RABGAP1L: variants seen among roughly 807,000 people sequenced by gnomAD.
RABGAP1L encodes the protein RAB GTPase activating protein 1 like, also known as rab GTPase-activating protein 1-like.
A neutral mutation model predicts 137.7 loss-of-function variants in RABGAP1L; 63 were observed. The observed-to-expected ratio is 0.46, with a 90% CI of 0.37 to 0.56. The LOEUF is 0.56. Among genes scored for constraint, RABGAP1L ranks in the 20% least tolerant of loss-of-function variants. The pLI is 0.00. For synonymous variants in RABGAP1L, 431 were observed against 433.7 expected (o/e 0.99, Z 0.08); for missense variants, 1,095 against 1,244.0 (o/e 0.88, Z 1.80).
intron 13 of RABGAP1L, among the ~76,000 whole-genome samples, chr1:174,519,209 C>CAT (rs1056157896): frequency 9.0e-5 from 13 of 144,654 alleles, no homozygotes; most frequent in African/African-American, 1.8e-4. Context: ...CACACACATA[C>CAT]ATATATATAT....
intron 19 of RABGAP1L, among the ~76,000 whole-genome samples, chr1:174,929,585 A>G (rs544450354): frequency 6.6e-6 from 1 of 151,768 alleles, no homozygotes; most frequent in South Asian, 2.1e-4. Context: ...CCAGAAGCAA[A>G]TTTTAAAAAT....
chr1:174,702,448 TA>T (rs1679730238), intron 17 of RABGAP1L, among the ~76,000 whole-genome samples, 192 bp downstream of exon 17: 1 of 143,772 alleles, frequency 7.0e-6, no homozygotes, highest in Non-Finnish European at 1.6e-5. Context: ...ATGAAAATGT[TA>T]AGGCATATAT....
rs1452895874 is a variant in RABGAP1L, at chr1:174,658,591, C to T, written c.1824+21103C>T. 4.6e-5 allele frequency among the ~76,000 whole-genome samples: 7 copies of T among 152,166 alleles called. No individual in the cohort carries two copies. The East Asian group carries it at 7.7e-4, about 17-fold the overall frequency. ...CCTTACCATAGTAAGCTCTAACACC[C>T]TGTGCCAGGATGTCACCCTAGGTGA... On this transcript the variant is annotated intron_variant, in intron 14 of 25. Transcript: ENST00000681986.
chr1:174,455,780 G>A (rs921654968), intron 13 of RABGAP1L, among the ~76,000 whole-genome samples: 9 of 152,124 alleles, frequency 5.9e-5, no homozygotes, highest in African/African-American at 9.6e-5. Flanking sequence ...CACTTATAAC[G>A]CTTTTGAACA....
chr1:174,217,854 T>C (rs1669456111), intron 1 of RABGAP1L, among the ~76,000 whole-genome samples: 1 of 152,186 alleles, frequency 6.6e-6, no homozygotes, highest in Non-Finnish European at 1.5e-5. Flanking sequence ...AACTTGAAGC[T>C]AGACTCATTC....
At chr1:174,283,245 A>G (rs1414950672) in intron 10 of RABGAP1L, among the ~76,000 whole-genome samples, 1 of 151,952 alleles carries the variant, frequency 6.6e-6, no homozygotes, top group African/African-American at 2.4e-5. Context: ...TGTAAAAAAA[A>G]GTAAAATAAA....
intron 1 of RABGAP1L, among the ~76,000 whole-genome samples, chr1:174,207,734 G>GT (rs1668602678): frequency 6.6e-6 from 1 of 152,160 alleles, no homozygotes; most frequent in African/African-American, 2.4e-5. Flanking sequence ...GTGCAGATAG[G>GT]TCTTTTTTAG....
intron 12 of RABGAP1L, among the ~76,000 whole-genome samples, chr1:174,388,112 A>AG (rs1686951208): frequency 6.6e-6 from 1 of 152,098 alleles, no homozygotes; most frequent in Non-Finnish European, 1.5e-5. Flanking sequence ...ATGTAGGTAA[A>AG]GCACCTGTCA....
intron 13 of RABGAP1L, among the ~76,000 whole-genome samples, chr1:174,601,020 G>A (rs978888519): frequency 6.6e-6 from 1 of 152,220 alleles, no homozygotes; most frequent in African/African-American, 2.4e-5. Context: ...TGAAATCTAG[G>A]TGGAGGTTCC....
chr1:174,879,149 G>A (rs1289697860), intron 19 of RABGAP1L, among the ~76,000 whole-genome samples: 3 of 149,912 alleles, frequency 2.0e-5, no homozygotes, highest in African/African-American at 4.9e-5. Context: ...TTCCCAGGCT[G>A]GAGTGCAATG....
At chr1:174,250,289 C>T (rs1035694276) in intron 5 of RABGAP1L, among the ~76,000 whole-genome samples, 186 bp from the exon 6 acceptor site, 2 of 151,566 alleles carry the variant, frequency 1.3e-5, no homozygotes, top group Non-Finnish European at 2.9e-5. Context: ...TTTTTTAATG[C>T]ACAAGTGATG....
intron 7 of RABGAP1L, 82 bp from the exon 8 acceptor site, chr1:174,272,332 A>G: frequency 2.1e-6 from 3 of 1,422,636 alleles, no homozygotes; most frequent in Non-Finnish European, 1.9e-6. Flanking sequence ...TTGTATAGTT[A>G]TTGTAAAAAG....
At chr1:174,534,765 A>T (rs1372167376) in intron 13 of RABGAP1L, among the ~76,000 whole-genome samples, 2 of 128,594 alleles carry the variant, frequency 1.6e-5, no homozygotes, top group African/African-American at 6.3e-5. Flanking sequence ...ACAGAGCGAA[A>T]CTCTGTCTCC....
At chr1:174,607,987 C>A (rs1317696417) in intron 13 of RABGAP1L, among the ~76,000 whole-genome samples, 1 of 152,118 alleles carries the variant, frequency 6.6e-6, no homozygotes, top group African/African-American at 2.4e-5. Context: ...CATGTGGGTA[C>A]AAATGTCGTG....
Position 174,448,381 on chromosome 1 carries a change from T to G in RABGAP1L, c.1710+54236T>G. On this transcript the variant is annotated intron_variant, in intron 13 of 25. Coordinates refer to ENST00000681986, the MANE Select transcript of RABGAP1L (RefSeq NM_001366446.1). The surrounding 1 kb of genome is among the most constrained non-coding windows in gnomAD (Gnocchi z 4.2). ...CGATGGCATATGCTGATCTTTTCGT[T>G]GGAGTTAGCTGCTTGGTTCCTACTC... The G allele has an allele frequency of 6.2e-7, 1 of 1,613,852 alleles. No individual in the cohort carries two copies. Among genetic ancestry groups the G allele is most frequent in the Non-Finnish European group, 8.5e-7 (1 of 1,179,696 alleles).
At chr1:174,651,708 C>T (rs1005223852) in intron 14 of RABGAP1L, among the ~76,000 whole-genome samples, 3 of 152,168 alleles carry the variant, frequency 2.0e-5, no homozygotes, top group South Asian at 4.2e-4. Flanking sequence ...CTCCATCCTT[C>T]TGTTTTGAGC....
At chr1:174,199,627 T>G (rs994751397) in intron 1 of RABGAP1L, among the ~76,000 whole-genome samples, 3 of 152,224 alleles carry the variant, frequency 2.0e-5, no homozygotes, top group African/African-American at 7.2e-5. Context: ...CATTCTGTTT[T>G]AAAAGATCAG....
At chr1:174,384,447 G>GA (rs919982589) in intron 12 of RABGAP1L, among the ~76,000 whole-genome samples, 4 of 143,530 alleles carry the variant, frequency 2.8e-5, no homozygotes, top group East Asian at 2.0e-4. Flanking sequence ...TGACAAAAAA[G>GA]AAAAAAAAGC....
At chr1:174,608,426 G>A (rs986494326) in intron 13 of RABGAP1L, among the ~76,000 whole-genome samples, 1 of 152,124 alleles carries the variant, frequency 6.6e-6, no homozygotes, top group Non-Finnish European at 1.5e-5. Context: ...ATGTAAAAAA[G>A]TATTATATAA....
Sources: gnomAD v4.1 joint callset for allele counts (sites outside exome capture counted in the v4.1 genomes callset) on GRCh38, gnomAD v4.1.1 for gene constraint, Gnocchi (gnomAD v3.1) non-coding constraint, MANE v1.5 for transcripts, NCBI Gene and HGNC (gene_info 2026-07-23, HGNC 2026-07-21) for gene names.